PRPF38A: variants seen among roughly 807,000 people sequenced by gnomAD.
PRPF38A encodes pre-mRNA processing factor 38A, also known as pre-mRNA-splicing factor 38A.
A neutral mutation model predicts 46.8 loss-of-function variants in PRPF38A; 11 were observed. That is an observed-to-expected ratio of 0.24 (90% CI 0.15 to 0.39). The LOEUF is 0.39. Among genes scored for constraint, PRPF38A ranks in the 10% least tolerant of loss-of-function variants. The pLI, the probability that PRPF38A is intolerant of heterozygous loss-of-function variation, is 1.00. For missense variants in PRPF38A, 261 were observed against 407.5 expected, an observed-to-expected ratio of 0.64 and a Z score of 3.10; for synonymous variants, 124 against 136.2, an observed-to-expected ratio of 0.91 and a Z score of 0.62.
intron 5 of PRPF38A, 92 bp from the exon 6 acceptor site, chr1:52,413,787 T>A: frequency 1.3e-6 from 1 of 795,994 alleles, no homozygotes; most frequent in East Asian, 2.5e-5. Context: ...AGATGGACTT[T>A]GGGACAAGAT....
At position 52,418,213 on chromosome 1, in the gene PRPF38A, G is replaced by T. The variant is rs575641697; in HGVS notation, c.*1523G>T. On this transcript the variant is annotated 3_prime_UTR_variant, in exon 10 of 10. Transcript: ENST00000257181. The stretch of plus-strand genomic sequence containing the variant: ...TTCATATTCTTCAATGGTTCCTTTC[G>T]TAATACCTGAGTTAATAAAAGTGGT... 1 of 152,488 alleles carries T rather than the reference G, an allele frequency of 6.6e-6. No individual in the cohort carries two copies. The highest frequency in any genetic ancestry group is 2.4e-5 in the African/African-American group (1 of 41,412). 9.4% of individuals were successfully genotyped at this position (152,488 alleles called of 1,614,324 possible).
At chr1:52,406,903 A>G (rs1391658535) in intron 2 of PRPF38A, among the ~76,000 whole-genome samples, 1 of 152,250 alleles carries the variant, frequency 6.6e-6, no homozygotes, top group Non-Finnish European at 1.5e-5. Flanking sequence ...TTCAGAGTTC[A>G]TATTCTTTGC....
In PRPF38A at chr1:52,404,891, C is replaced by T. The variant is rs1647927328; in HGVS notation, c.130+12C>T. The T allele has an allele frequency of 1.9e-6, 3 of 1,612,552 alleles. No homozygotes were observed. The highest frequency in any genetic ancestry group is 2.5e-6 in the Non-Finnish European group (3 of 1,179,260). On this transcript the variant is annotated intron_variant, in intron 1 of 9. Coordinates refer to ENST00000257181, the MANE Select transcript of PRPF38A (RefSeq NM_032864.4). ...CTTTGGACTTACAGGTAAGTGGAAG[C>T]GCGCGGAGCGCCTCTCAGCCCCCTT...
chr1:52,417,641 A>G lies in PRPF38A; in HGVS notation c.*951A>G, dbSNP rs1443164981. 5 of 152,214 alleles carry G rather than the reference A, an allele frequency of 3.3e-5. No homozygotes were observed. Among genetic ancestry groups the G allele is most frequent in the South Asian group, 2.1e-4 (1 of 4,826 alleles). The allele number at this position is 152,214 out of a possible 1,614,324, so 9.4% of individuals were successfully genotyped here. ...GGTATAGCTAAAAACAAAAGCCCAT[A>G]AAGTTGGAGATAGGGACCAGAGTTT... On this transcript the variant is annotated 3_prime_UTR_variant, in exon 10 of 10. Coordinates refer to ENST00000257181, the MANE Select transcript of PRPF38A (RefSeq NM_032864.4).
At chr1:52,415,426 C>A in intron 9 of PRPF38A, 40 bp downstream of exon 9, 3 of 1,551,302 alleles carry the variant, frequency 1.9e-6, no homozygotes, top group Non-Finnish European at 2.7e-6. Context: ...CAGAAATAGT[C>A]CAAATTACAA....
intron 3 of PRPF38A, 86 bp from the exon 4 acceptor site, chr1:52,411,029 G>A (rs1451057636): frequency 1.1e-6 from 1 of 909,004 alleles, no homozygotes; most frequent in East Asian, 2.4e-5. Context: ...TAGATGTCCT[G>A]ATATGAAGTC....
rs747058021 is a variant in PRPF38A, at chr1:52,414,816, C to T, written c.804C>T (p.Ser268=). 2.5e-6 allele frequency: 4 copies of T among 1,614,196 alleles called. No homozygotes were observed. In the East Asian group the frequency reaches 6.7e-5, roughly 27 times the overall value. ...GCAAGAGTCCAAGACGTCACCGCAGCAGGTCCCGAGATCGGCGGCACAGAT... is the reference window on the plus strand; with the variant it reads ...GCAAGAGTCCAAGACGTCACCGCAGTAGGTCCCGAGATCGGCGGCACAGAT... ...HRSKSPRRHR[S]RSRDRRHRSR... is the part of the protein sequence containing the mutation. The change falls in exon 8 of 10, where the codon AGC becomes AGT. Residue 268 remains serine, a synonymous_variant. Transcript: ENST00000257181.
chr1:52,413,950 C>T lies in PRPF38A; in HGVS notation c.681C>T (p.Pro227=), dbSNP rs1323524229. 1 of 1,613,980 alleles carries T rather than the reference C, an allele frequency of 6.2e-7. No individual in the cohort carries two copies. The highest frequency in any genetic ancestry group is 8.5e-7 in the Non-Finnish European group (1 of 1,179,880). The change falls in exon 6 of 10, where the codon CCC becomes CCT. Residue 227 remains proline, a synonymous_variant. Coordinates refer to ENST00000257181, the MANE Select transcript of PRPF38A (RefSeq NM_032864.4). ...YRDLDKPRRS[P]TLRYRRSRSR... ...ACTTGGACAAGCCCCGTCGCTCTCC[C>T]ACACTGCGCTACAGGAGGAGTAGGA...
chr1:52,414,529 G>T, intron 6 of PRPF38A, 92 bp from the exon 7 acceptor site: 2 of 1,331,050 alleles, frequency 1.5e-6, no homozygotes, highest in South Asian at 1.2e-5. Flanking sequence ...GGGTGATACA[G>T]AGAAGCGTGA....
In PRPF38A at chr1:52,418,329, T is replaced by C. The variant is rs1426525066; in HGVS notation, c.*1639T>C. The C allele has an allele frequency of 6.6e-6, 1 of 152,220 alleles. No individual in the cohort carries two copies. Among genetic ancestry groups the C allele is most frequent in the Non-Finnish European group, 1.5e-5 (1 of 68,030 alleles). 9.4% of individuals were successfully genotyped at this position (152,220 alleles called of 1,614,324 possible). A position where few individuals can be genotyped will look rare whatever the true frequency, so the allele number is the denominator to read the frequency against. On this transcript the variant is annotated 3_prime_UTR_variant, in exon 10 of 10. Transcript: ENST00000257181. ...ATCTGTACGTAAATGTATTACAGTGTCATAGCAGTTATTTCTTTATGAAAG... is the reference window on the plus strand; with the variant it reads ...ATCTGTACGTAAATGTATTACAGTGCCATAGCAGTTATTTCTTTATGAAAG...
At chr1:52,411,313 T>A in intron 4 of PRPF38A, 113 bp downstream of exon 4, 1 of 687,668 alleles carries the variant, frequency 1.5e-6, no homozygotes, top group South Asian at 1.8e-5. Context: ...TGGGTCCTCT[T>A]AATGAATAGT....
intron 5 of PRPF38A, 74 bp downstream of exon 5, chr1:52,412,698 C>CT: frequency 1.3e-5 from 14 of 1,037,544 alleles, no homozygotes; most frequent in Middle Eastern, 2.1e-4. Context: ...TGTTTTTAGA[C>CT]TTTAATTTTT....
intron 3 of PRPF38A, 184 bp downstream of exon 3, chr1:52,408,874 G>GGCCTTACCCAGCCT: frequency 3.3e-6 from 2 of 603,870 alleles, no homozygotes; most frequent in South Asian, 4.8e-5. Flanking sequence ...GCTTCGTGTT[G>GGCCTTACCCAGCCT]GCCTTACCCA....
intron 5 of PRPF38A, 108 bp downstream of exon 5, chr1:52,412,732 G>A (rs1648181080): frequency 7.2e-6 from 5 of 693,012 alleles, no homozygotes; most frequent in East Asian, 2.8e-5. Flanking sequence ...GGGCGTGGTC[G>A]CTCAAGCCTG....
chr1:52,415,269 G>C (rs981682414), intron 8 of PRPF38A, 69 bp from the exon 9 acceptor site: 2 of 1,486,130 alleles, frequency 1.3e-6, no homozygotes, highest in African/African-American at 2.8e-5. Flanking sequence ...AGGTATTAGG[G>C]GAGGTGAGAA....
chr1:52,414,689 G>C, intron 7 of PRPF38A, 42 bp downstream of exon 7: 1 of 1,613,874 alleles, frequency 6.2e-7, no homozygotes, highest in African/African-American at 1.3e-5. Context: ...GGGCTTTGGG[G>C]AGGGGGTGGT....
intron 3 of PRPF38A, among the ~76,000 whole-genome samples, chr1:52,410,176 C>T (rs1430030699): frequency 6.8e-6 from 1 of 146,284 alleles, no homozygotes; most frequent in East Asian, 2.0e-4. Flanking sequence ...ATATAAATTG[C>T]CTGTAATCCC....
At chr1:52,413,310 GAGGGGGA>G (rs1648196260) in intron 5 of PRPF38A, among the ~76,000 whole-genome samples, 1 of 152,202 alleles carries the variant, frequency 6.6e-6, no homozygotes, top group African/African-American at 2.4e-5. Context: ...CCTTGTTTAG[GAGGGGGA>G]AAATGTCAAC....
rs533778518 is a variant in PRPF38A at position 52,418,091 on chromosome 1, T to C, written c.*1401T>C. On this transcript the variant is annotated 3_prime_UTR_variant, in exon 10 of 10. Coordinates refer to ENST00000257181, the MANE Select transcript of PRPF38A (RefSeq NM_032864.4). ...GGATCCAGTTTTTCTTGGGAGGTTG[T>C]ATCTGGTCATAAGGTAAACATTCTA... 8 of 152,790 alleles carry C rather than the reference T, an allele frequency of 5.2e-5. No individual in the cohort carries two copies. The highest frequency in any genetic ancestry group is 1.7e-4 in the African/African-American group (7 of 41,582). The allele number at this position is 152,790 out of a possible 1,614,324, so 9.5% of individuals were successfully genotyped here. A position where few individuals can be genotyped will look rare whatever the true frequency, so the allele number is the denominator to read the frequency against.
Sources: gnomAD v4.1 joint callset for allele counts (sites outside exome capture counted in the v4.1 genomes callset) on GRCh38, gnomAD v4.1.1 for gene constraint, MANE v1.5 for transcripts, NCBI Gene and HGNC (gene_info 2026-07-23, HGNC 2026-07-21) for gene names.